The following SELENOO variants were observed in gnomAD, a reference collection of about 807,000 sequenced individuals.
The protein encoded by SELENOO is protein adenylyltransferase SelO, mitochondrial.
Under a neutral mutation model 58.7 loss-of-function variants are expected in SELENOO, and 74 were observed. The ratio of observed to expected loss-of-function variants is 1.26; its 90% confidence interval spans 1.04 to 1.53. The LOEUF (loss-of-function observed/expected upper bound fraction) is 1.53, where lower values mean the gene tolerates loss of function less well. SELENOO is among the 40% of genes most tolerant of loss of function. The pLI, the probability that SELENOO is intolerant of heterozygous loss-of-function variation, is 0.00. For missense variants in SELENOO, 1,149 were observed against 970.0 expected, an observed-to-expected ratio of 1.18 and a Z score of -2.45; for synonymous variants, 543 against 453.2, an observed-to-expected ratio of 1.20 and a Z score of -2.52.
In SELENOO at chr22:50,216,671, A is replaced by C; in HGVS notation, c.1503-20A>C. 2 of 1,566,272 alleles carry C rather than the reference A, an allele frequency of 1.3e-6. No individual in the cohort carries two copies. The highest frequency in any genetic ancestry group is 1.7e-6 in the Non-Finnish European group (2 of 1,161,024). On this transcript the variant is annotated intron_variant, in intron 6 of 8. Coordinates refer to ENST00000380903, the MANE Select transcript of SELENOO (RefSeq NM_031454.2). Reference sequence around the variant, plus strand: ...GACACGGTCAGGGGCTACCTCCCAGACACCCTGGCCTCTCCACAGGCAGCT... The same window carrying C: ...GACACGGTCAGGGGCTACCTCCCAGCCACCCTGGCCTCTCCACAGGCAGCT...
At position 50,208,577 on chromosome 22, in the gene SELENOO, C is replaced by G. The variant is rs199604412; in HGVS notation, c.800C>G (p.Thr267Arg). ...FEIFKSADEH[T>R]GRAGPSVGRN... ...ATTTTTAAGTCTGCAGATGAGCACA[C>G]AGGGCGTGCAGGCCCCAGCGTGGGG... The change falls in exon 3 of 9, where the codon ACA (threonine) becomes AGA (arginine). Residue 267 changes from threonine to arginine, a missense_variant. Thr to Arg is a moderately conservative substitution (Grantham distance 71). Transcript: ENST00000380903. 141 of 1,613,948 alleles carry G rather than the reference C, an allele frequency of 8.7e-5. 1 individual carries two copies. The highest frequency in any genetic ancestry group is 4.9e-4 in the Middle Eastern group (3 of 6,062).
intron 1 of SELENOO, among the ~76,000 whole-genome samples, chr22:50,202,070 C>T (rs2064306459): frequency 6.6e-6 from 1 of 152,356 alleles, no homozygotes; most frequent in Non-Finnish European, 1.5e-5. Context: ...AAGGCAGGAT[C>T]TGGGTCCAGA....
At chr22:50,208,974 C>CG (rs1485388286) in intron 3 of SELENOO, among the ~76,000 whole-genome samples, 1 of 145,112 alleles carries the variant, frequency 6.9e-6, no homozygotes, top group Non-Finnish European at 1.5e-5. Context: ...CAGCTTGGGG[C>CG]GGGGGTGCGG....
intron 5 of SELENOO, among the ~76,000 whole-genome samples, chr22:50,212,506 C>T (rs145066821): frequency 1.8e-4 from 28 of 152,270 alleles, no homozygotes; most frequent in African/African-American, 6.7e-4. Context: ...TTGTGGAGGG[C>T]ACCGCACATC....
intron 1 of SELENOO, among the ~76,000 whole-genome samples, chr22:50,202,058 A>G (rs2064306378): frequency 6.6e-6 from 1 of 152,146 alleles, no homozygotes; most frequent in African/African-American, 2.4e-5. Context: ...AGGTGGTCTA[A>G]TAAGGCAGGA....
Position 50,215,347 on chromosome 22 carries a change from G to GGTGGAGGCTGAGGAGTGGGGT in SELENOO, c.1352-362_1352-342dup, listed in dbSNP as rs1260409293. ...ATGGCAGCTGCCTGGGCGGTGGATGGGTGGAGGCTGAGGAGTGGGGTGTGG... is the reference window on the plus strand; with the variant it reads ...ATGGCAGCTGCCTGGGCGGTGGATGGGTGGAGGCTGAGGAGTGGGGTGTGGAGGCTGAGGAGTGGGGTGTGG... On this transcript the variant is annotated intron_variant, in intron 5 of 8. Coordinates refer to ENST00000380903, the MANE Select transcript of SELENOO (RefSeq NM_031454.2). Among the ~76,000 whole-genome samples, 10 of 152,160 alleles carry GGTGGAGGCTGAGGAGTGGGGT rather than the reference G, an allele frequency of 6.6e-5. No homozygotes were observed. In the East Asian group the frequency reaches 1.9e-3, roughly 29 times the overall value.
intron 5 of SELENOO, among the ~76,000 whole-genome samples, chr22:50,211,925 A>C (rs539360436): frequency 6.6e-6 from 1 of 152,104 alleles, no homozygotes; most frequent in East Asian, 1.9e-4. Context: ...CTGGTCTTGA[A>C]CTCCCGACCT....
chr22:50,204,489 T>C (rs936928506), intron 1 of SELENOO, among the ~76,000 whole-genome samples: 1 of 151,942 alleles, frequency 6.6e-6, no homozygotes, highest in South Asian at 2.1e-4. Context: ...TAGCCGGGCA[T>C]GGTGGAGCGT....
chr22:50,215,591 G>A, intron 5 of SELENOO, 126 bp from the exon 6 acceptor site: 1 of 717,276 alleles, frequency 1.4e-6, no homozygotes, highest in Non-Finnish European at 2.2e-6. Flanking sequence ...GGGGGCGGTG[G>A]TGGAGCATGT....
At chr22:50,206,564 G>C in intron 2 of SELENOO, 44 bp downstream of exon 2, 1 of 1,524,812 alleles carries the variant, frequency 6.6e-7, no homozygotes, top group Non-Finnish European at 8.9e-7. Flanking sequence ...CACTTGCTTA[G>C]AGTCCTAGGA....
chr22:50,209,150 C>T (rs1036836843), intron 3 of SELENOO: 4 of 160,410 alleles, frequency 2.5e-5, no homozygotes, highest in Non-Finnish European at 4.1e-5. Context: ...TCCCACATGG[C>T]TTGATGGCAT....
Position 50,215,758 on chromosome 22 carries a change from C to A in SELENOO, c.1393C>A (p.Pro465Thr). ...CACCTTCTACTTGCTGAGCTCCTTC[C>A]CAGTGGAGCTAGAGTCGCCAGGCCT... ...TNTFYLLSSF[P>T]VELESPGLAE... The change falls in exon 6 of 9, where the codon CCA becomes ACA. Residue 465 changes from proline (P) to threonine (T), a missense_variant. Transcript: ENST00000380903. The A allele has an allele frequency of 6.2e-7, 1 of 1,611,010 alleles. No individual in the cohort carries two copies. The highest frequency in any genetic ancestry group is 2.2e-5 in the East Asian group (1 of 44,830).
chr22:50,216,779 G>C lies in SELENOO; in HGVS notation c.1591G>C (p.Glu531Gln). Residue 531 changes from glutamate to glutamine, a missense_variant, in exon 7 of 9, where the codon GAG becomes CAG. Glu to Gln is a conservative substitution (Grantham distance 29). Transcript: ENST00000380903. ...CCGGGCAGGCATCGCCAGGGAGCTG[G>C]AGCGTGTGGAGCAGCAGTCTCGGCT... ...GTRAGIAREL[E>Q]RVEQQSRLEQ... 6.2e-7 allele frequency: 1 copy of C among 1,609,028 alleles called. No homozygotes were observed. The highest frequency in any genetic ancestry group is 8.5e-7 in the Non-Finnish European group (1 of 1,179,822).
At chr22:50,210,147 C>T in intron 3 of SELENOO, 34 bp from the exon 4 acceptor site, 1 of 1,604,354 alleles carries the variant, frequency 6.2e-7, no homozygotes. Context: ...GGGCAGGACC[C>T]CGAGGAGGGA....
At position 50,201,313 on chromosome 22, in the gene SELENOO, C is replaced by A; in HGVS notation, c.277C>A (p.Pro93Thr). ...CGTGCAGCCCACCCCGCTGCGGCAG[C>A]CGCGCCTCGTGGCGCTGTCAGAGCC... ...TRVQPTPLRQ[P>T]RLVALSEPAL... The change falls in exon 1 of 9, where the codon CCG (proline) becomes ACG (threonine). Residue 93 changes from proline to threonine, a missense_variant. By Grantham distance (38) the Pro-to-Thr change is conservative (BLOSUM62 -1). Transcript: ENST00000380903. The A allele has an allele frequency of 3.6e-6, 4 of 1,125,388 alleles. No homozygotes were observed. The highest frequency in any genetic ancestry group is 4.3e-6 in the Non-Finnish European group (4 of 922,054). The allele number at this position is 1,125,388 out of a possible 1,614,324, so 69.7% of individuals were successfully genotyped here.
chr22:50,206,640 G>GA, intron 2 of SELENOO, 120 bp downstream of exon 2: 2 of 895,846 alleles, frequency 2.2e-6, no homozygotes, highest in East Asian at 5.3e-5. Context: ...GGCCTCTTCT[G>GA]AAAGTCCAGC....
At chr22:50,216,000 T>A in intron 6 of SELENOO, 133 bp downstream of exon 6, 1 of 705,550 alleles carries the variant, frequency 1.4e-6, no homozygotes, top group Non-Finnish European at 2.3e-6. Flanking sequence ...AGGGACAGAT[T>A]CAGTCAGGGC....
At position 50,201,187 on chromosome 22, in the gene SELENOO, G is replaced by A. The variant is rs2064296340; in HGVS notation, c.151G>A (p.Asp51Asn). The A allele has an allele frequency of 1.6e-6, 2 of 1,223,206 alleles. No homozygotes were observed. Among genetic ancestry groups the A allele is most frequent in the South Asian group, 3.3e-5 (1 of 30,156 alleles). The allele number at this position is 1,223,206 out of a possible 1,614,324, so 75.8% of individuals were successfully genotyped here. A position where few individuals can be genotyped will look rare whatever the true frequency, so the allele number is the denominator to read the frequency against. ...TCGCTGGCTGGCGGGGCTGCGCTTC[G>A]ACAACCGCGCCCTGCGCGCCCTGCC... The part of the protein sequence containing the change: ...APRWLAGLRF[D>N]NRALRALPVE... The change falls in exon 1 of 9, where the codon GAC (aspartate) becomes AAC (asparagine). Residue 51 changes from aspartate to asparagine, a missense_variant. Transcript: ENST00000380903.
chr22:50,216,402 C>T (rs2064411727), intron 6 of SELENOO, among the ~76,000 whole-genome samples: 1 of 152,260 alleles, frequency 6.6e-6, no homozygotes, highest in Non-Finnish European at 1.5e-5. Flanking sequence ...CAGTGCCCAT[C>T]CCACAAGCAT....
Sources: gnomAD v4.1 joint callset for allele counts (sites outside exome capture counted in the v4.1 genomes callset) on GRCh38, gnomAD v4.1.1 for gene constraint, MANE v1.5 for transcripts, NCBI Gene and HGNC (gene_info 2026-07-23, HGNC 2026-07-21) for gene names.